The following MGARP variants were observed in gnomAD, a reference collection of about 807,000 sequenced individuals.
MGARP encodes protein MGARP.
MGARP carries 12 observed loss-of-function variants against 11.0 expected under a neutral mutation model. The ratio of observed to expected loss-of-function variants is 1.09; its 90% CI spans 0.70 to 1.77. The LOEUF is 1.77. MGARP is among the 40% of genes most tolerant of loss of function. The probability of loss-of-function intolerance (pLI) is 0.00; values close to 1 mark genes in which losing one functional copy is unlikely to be tolerated. For missense variants in MGARP, 283 were observed against 297.8 expected, an observed-to-expected ratio of 0.95 and a Z score of 0.36; for synonymous variants, 110 against 115.4, an observed-to-expected ratio of 0.95 and a Z score of 0.30.
intron 3 of MGARP, among the ~76,000 whole-genome samples, chr4:139,267,871 G>A (rs1010038796): frequency 1.3e-5 from 2 of 152,282 alleles, no homozygotes; most frequent in East Asian, 3.9e-4. Flanking sequence ...CCAGCACTTT[G>A]GGAGGCTGAG....
In MGARP at chr4:139,275,395, A is replaced by G. The variant is rs1219470821; in HGVS notation, c.83-3T>C. 2.5e-6 allele frequency: 4 copies of G among 1,610,986 alleles called. No homozygotes were observed. The highest frequency in any genetic ancestry group is 2.7e-5 in the African/African-American group (2 of 74,794). On this transcript the variant is annotated splice_region_variant and splice_polypyrimidine_tract_variant and intron_variant, in intron 1 of 3. Transcript: ENST00000398955. ...AGATGACATCCGGCGCAGAGATGCT[A>G]GGAAAAAAATGTTTAAACACAGTTA...
At position 139,280,223 on chromosome 4, in the gene MGARP, G is replaced by C; in HGVS notation, c.-65C>G. On this transcript the variant is annotated 5_prime_UTR_variant, in exon 1 of 4. Transcript: ENST00000398955. Reference sequence around the variant, plus strand: ...GCGCAGGCTGCCCTTCCACAGAGAGGCTGAGAGCCTGGCAGCGCCCCGCCC... The same window carrying C: ...GCGCAGGCTGCCCTTCCACAGAGAGCCTGAGAGCCTGGCAGCGCCCCGCCC... The C allele has an allele frequency of 6.7e-7, 1 of 1,486,004 alleles. No homozygotes were observed. Among genetic ancestry groups the C allele is most frequent in the Non-Finnish European group, 9.0e-7 (1 of 1,105,412 alleles). The allele number at this position is 1,486,004 out of a possible 1,614,324, so 92.1% of individuals were successfully genotyped here.
chr4:139,275,110 C>A (rs1366185538), intron 2 of MGARP, among the ~76,000 whole-genome samples, 179 bp downstream of exon 2: 1 of 151,992 alleles, frequency 6.6e-6, no homozygotes, highest in African/African-American at 2.4e-5. Flanking sequence ...CTTATGAAAA[C>A]CCTGTATTTC....
At chr4:139,267,647 T>C (rs930107986) in intron 3 of MGARP, among the ~76,000 whole-genome samples, 9 of 152,198 alleles carry the variant, frequency 5.9e-5, no homozygotes, top group African/African-American at 2.2e-4. Flanking sequence ...ATGCAAATGC[T>C]TATTAGTATT....
chr4:139,279,767 T>G (rs1744927918), intron 1 of MGARP, among the ~76,000 whole-genome samples: 1 of 152,168 alleles, frequency 6.6e-6, no homozygotes, highest in Non-Finnish European at 1.5e-5. Flanking sequence ...ATTAACTCAT[T>G]AAAAAGGAAA....
chr4:139,267,515 C>T (rs920104921), intron 3 of MGARP, among the ~76,000 whole-genome samples: 1 of 152,128 alleles, frequency 6.6e-6, no homozygotes, highest in Non-Finnish European at 1.5e-5. Context: ...AATCACTAAT[C>T]CTCTCTCAAT....
In MGARP at chr4:139,280,220, G is replaced by C. The variant is rs1338134100; in HGVS notation, c.-62C>G. Reference sequence around the variant, plus strand: ...CAGGCGCAGGCTGCCCTTCCACAGAGAGGCTGAGAGCCTGGCAGCGCCCCG... The same window carrying C: ...CAGGCGCAGGCTGCCCTTCCACAGACAGGCTGAGAGCCTGGCAGCGCCCCG... On this transcript the variant is annotated 5_prime_UTR_variant, in exon 1 of 4. Coordinates refer to ENST00000398955, the MANE Select transcript of MGARP (RefSeq NM_032623.4). 15 of 1,500,204 alleles carry C rather than the reference G, an allele frequency of 1.0e-5. No individual in the cohort carries two copies. The highest frequency in any genetic ancestry group is 8.1e-5 in the Admixed American group (4 of 49,520). The allele number at this position is 1,500,204 out of a possible 1,614,324, so 92.9% of individuals were successfully genotyped here. A position where few individuals can be genotyped will look rare whatever the true frequency, so the allele number is the denominator to read the frequency against.
chr4:139,269,686 A>G (rs987501045), intron 2 of MGARP, among the ~76,000 whole-genome samples: 1 of 151,700 alleles, frequency 6.6e-6, no homozygotes, highest in Non-Finnish European at 1.5e-5. Context: ...GAAGAAAGCT[A>G]TTTTAATCAC....
At chr4:139,279,034 A>G (rs1239557479) in intron 1 of MGARP, among the ~76,000 whole-genome samples, 1 of 152,162 alleles carries the variant, frequency 6.6e-6, no homozygotes, top group Non-Finnish European at 1.5e-5. Context: ...CCTCTGGGGT[A>G]AAATTATCTC....
rs185282210 is a variant in MGARP, at chr4:139,278,975, C to T, written c.82+1102G>A. 2.1e-3 allele frequency among the ~76,000 whole-genome samples: 317 copies of T among 152,226 alleles called. 2 individuals carry two copies. Among genetic ancestry groups the T allele is most frequent in the Non-Finnish European group, 4.0e-3 (272 of 68,014 alleles). On this transcript the variant is annotated intron_variant, in intron 1 of 3. Coordinates refer to ENST00000398955, the MANE Select transcript of MGARP (RefSeq NM_032623.4). ...GGCCTAATCAACGTGAAAAAAAAAT[C>T]GGCCCATGGAATTCTCCGCGCACAT...
At chr4:139,277,248 T>C (rs866063324) in intron 1 of MGARP, among the ~76,000 whole-genome samples, 11 of 152,214 alleles carry the variant, frequency 7.2e-5, no homozygotes, top group South Asian at 2.1e-4. Flanking sequence ...ACAGGGCGAA[T>C]CTTAAGGCAT....
In MGARP at chr4:139,275,874, A is replaced by G. The variant is rs558139409; in HGVS notation, c.83-482T>C. On this transcript the variant is annotated intron_variant, in intron 1 of 3. Coordinates refer to ENST00000398955, the MANE Select transcript of MGARP (RefSeq NM_032623.4). ...AAATCCATCATATTTCTATAAATCTATAATACACATGTAGGTATAGAAAGA... is the reference window on the plus strand; with the variant it reads ...AAATCCATCATATTTCTATAAATCTGTAATACACATGTAGGTATAGAAAGA... Among the ~76,000 whole-genome samples the G allele has an allele frequency of 6.0e-4, 91 of 152,370 alleles. 1 individual carries two copies. Among genetic ancestry groups the G allele is most frequent in the Non-Finnish European group, 9.4e-4 (64 of 68,040 alleles).
intron 2 of MGARP, among the ~76,000 whole-genome samples, chr4:139,274,753 G>A (rs2110732904): frequency 6.6e-6 from 1 of 152,248 alleles, no homozygotes; most frequent in East Asian, 1.9e-4. Flanking sequence ...AAAGTGCTGG[G>A]ATTACAGGCG....
At chr4:139,273,448 C>T (rs1471454935) in intron 2 of MGARP, among the ~76,000 whole-genome samples, 1 of 151,904 alleles carries the variant, frequency 6.6e-6, no homozygotes, top group East Asian at 1.9e-4. Context: ...GTCTCAAACT[C>T]CCGGACTCAA....
rs771039455 is a variant in MGARP, at chr4:139,275,353, GA to G, written c.121del (p.Ser41HisfsTer6). ...RRMSSNRFPG[S>X]SGSNMIYYLV... ...ATAATAAATCATATTTGATCCAGAT[GA>G]TCCAGGGAATCTGTTAGATGACATC... On this transcript the variant is annotated frameshift_variant, in exon 2 of 4. Transcript: ENST00000398955. LOFTEE classifies it high-confidence loss of function. 3.1e-6 allele frequency: 5 copies of G among 1,613,858 alleles called. No individual in the cohort carries two copies. Among genetic ancestry groups the G allele is most frequent in the Non-Finnish European group, 3.4e-6 (4 of 1,179,966 alleles).
intron 1 of MGARP, among the ~76,000 whole-genome samples, chr4:139,276,491 G>A (rs939647514): frequency 1.3e-5 from 2 of 152,144 alleles, no homozygotes; most frequent in Non-Finnish European, 2.9e-5. Flanking sequence ...AAGGTGTAAC[G>A]TATAAAAGCA....
At chr4:139,279,899 C>G (rs1744930653) in intron 1 of MGARP, among the ~76,000 whole-genome samples, 178 bp downstream of exon 1, 1 of 152,224 alleles carries the variant, frequency 6.6e-6, no homozygotes, top group Middle Eastern at 3.2e-3. Flanking sequence ...CTTCCAAAGT[C>G]TGCAGGAGCT....
At chr4:139,268,865 G>T in intron 2 of MGARP, 100 bp from the exon 3 acceptor site, 1 of 806,660 alleles carries the variant, frequency 1.2e-6, no homozygotes, top group Non-Finnish European at 2.0e-6. Flanking sequence ...ACCATTAGAA[G>T]TTTAAACCAT....
chr4:139,270,989 AACTTTAGGGAGAATTGAAGAGAT>A (rs1208426456), intron 2 of MGARP, among the ~76,000 whole-genome samples: 1 of 152,170 alleles, frequency 6.6e-6, no homozygotes, highest in East Asian at 1.9e-4. Context: ...AAAAAAGACT[AACTTTAGGGAGAATTGAAGAGAT>A]ACAATACTAG....
Sources: gnomAD v4.1 joint callset for allele counts (sites outside exome capture counted in the v4.1 genomes callset) on GRCh38, gnomAD v4.1.1 for gene constraint, MANE v1.5 for transcripts, NCBI Gene and HGNC (gene_info 2026-07-23, HGNC 2026-07-21) for gene names.